Variants in EPHA5 observed in about 807,000 individuals in gnomAD.
EPHA5 encodes EPH receptor A5, also known as ephrin type-A receptor 5.
EPHA5 carries 60 observed loss-of-function variants against 105.0 expected under a neutral mutation model. The observed-to-expected ratio is 0.57, with a 90% CI of 0.46 to 0.71. The LOEUF is 0.71. Ranked by LOEUF, EPHA5 falls within the 30% of genes least tolerant of loss-of-function variation. The pLI is 0.00. For synonymous variants in EPHA5, 513 were observed against 449.1 expected (o/e 1.14, Z -1.80); for missense variants, 1,218 against 1,274.7 (o/e 0.96, Z 0.68).
At chr4:65,637,569 C>CATATATAT (rs34456844) in intron 2 of EPHA5, among the ~76,000 whole-genome samples, 3,432 of 112,282 alleles carry the variant, frequency 0.031, 117 homozygotes, top group Non-Finnish European at 0.038. Flanking sequence ...ATGAGTTTTG[C>CATATATAT]ATATATATAT....
chr4:65,595,323 A>G (rs1159501962), intron 3 of EPHA5, among the ~76,000 whole-genome samples: 3 of 152,104 alleles, frequency 2.0e-5, no homozygotes, highest in African/African-American at 7.2e-5. Context: ...TAGAGTGCCT[A>G]CTACAATAAC....
At chr4:65,352,964 T>A (rs1722960322) in intron 12 of EPHA5, 78 bp downstream of exon 12, 4 of 982,748 alleles carry the variant, frequency 4.1e-6, no homozygotes, top group Admixed American at 2.6e-5. Context: ...AACTTCAACA[T>A]CACAGCATCA....
At chr4:65,620,535 A>G (rs1745625899) in intron 2 of EPHA5, among the ~76,000 whole-genome samples, 1 of 152,224 alleles carries the variant, frequency 6.6e-6, no homozygotes, top group African/African-American at 2.4e-5. Context: ...TCACATTTTC[A>G]GCAAAATAAT....
At chr4:65,507,937 G>GATAAATTAATATTATTTTCTCTAAA (rs1733229631) in intron 3 of EPHA5, among the ~76,000 whole-genome samples, 1 of 151,880 alleles carries the variant, frequency 6.6e-6, no homozygotes, top group Non-Finnish European at 1.5e-5. Context: ...CCCACTCATA[G>GATAAATTAATATTATTTTCTCTAAA]TTTTTTCTCA....
chr4:65,626,655 C>A (rs146162920), intron 2 of EPHA5, among the ~76,000 whole-genome samples: 1 of 152,252 alleles, frequency 6.6e-6, no homozygotes, highest in East Asian at 1.9e-4. Context: ...ATGGCCATTA[C>A]GTATAGTTTC....
intron 3 of EPHA5, among the ~76,000 whole-genome samples, chr4:65,506,219 T>A (rs1306909704): frequency 1.3e-5 from 2 of 152,146 alleles, no homozygotes; most frequent in African/African-American, 4.8e-5. Flanking sequence ...ATGGTGTATA[T>A]GTGCCACATT....
At chr4:65,557,532 A>T (rs1258704028) in intron 3 of EPHA5, among the ~76,000 whole-genome samples, 4 of 152,048 alleles carry the variant, frequency 2.6e-5, no homozygotes, top group Non-Finnish European at 4.4e-5. Flanking sequence ...GATATAAATC[A>T]CCAAATTAAA....
intron 5 of EPHA5, among the ~76,000 whole-genome samples, chr4:65,479,860 CATA>C (rs2149184253): frequency 6.6e-6 from 1 of 152,136 alleles, no homozygotes; most frequent in African/African-American, 2.4e-5. Context: ...TAAATATATT[CATA>C]ATAATACTTT....
chr4:65,494,894 A>G (rs551724381), intron 4 of EPHA5, among the ~76,000 whole-genome samples: 132 of 152,244 alleles, frequency 8.7e-4, no homozygotes, highest in Non-Finnish European at 1.6e-3. Flanking sequence ...GCAGTTTAGA[A>G]CAAGATGGTG....
At chr4:65,571,684 G>A (rs905246941) in intron 3 of EPHA5, among the ~76,000 whole-genome samples, 7 of 151,896 alleles carry the variant, frequency 4.6e-5, no homozygotes, top group South Asian at 2.1e-4. Flanking sequence ...TAGGTCTTAC[G>A]TATGTTTTAC....
chr4:65,524,312 G>T (rs569072980), intron 3 of EPHA5, among the ~76,000 whole-genome samples: 3 of 151,938 alleles, frequency 2.0e-5, no homozygotes, highest in African/African-American at 7.2e-5. Flanking sequence ...TAACTAGCCA[G>T]AGATGACTAT....
chr4:65,440,805 C>T lies in EPHA5; in HGVS notation c.1403-20240G>A, dbSNP rs146333712. The stretch of plus-strand genomic sequence containing the variant: ...AAAAGAAGAGGAAAAGCCTTGTCTC[C>T]GGAGCCATTTTTAGTGGCCCATCTC... On this transcript the variant is annotated intron_variant, in intron 5 of 16. Transcript: ENST00000613740. Among the ~76,000 whole-genome samples the T allele has an allele frequency of 5.9e-3, 904 of 152,024 alleles. 6 individuals carry two copies. Among genetic ancestry groups the T allele is most frequent in the African/African-American group, 0.021 (870 of 41,492 alleles).
chr4:65,661,146 T>C (rs189947859), intron 1 of EPHA5, among the ~76,000 whole-genome samples: 99 of 152,290 alleles, frequency 6.5e-4, no homozygotes, highest in African/African-American at 2.2e-3. Flanking sequence ...TTAAAATAAA[T>C]ATATAAGGGC....
chr4:65,530,421 TGTG>T (rs2149300443), intron 3 of EPHA5, among the ~76,000 whole-genome samples: 1 of 151,996 alleles, frequency 6.6e-6, no homozygotes, highest in Non-Finnish European at 1.5e-5. Flanking sequence ...CATTTGTGTG[TGTG>T]TGTGTGTGTG....
intron 3 of EPHA5, among the ~76,000 whole-genome samples, chr4:65,502,653 A>G (rs1419512913): frequency 6.6e-6 from 1 of 151,884 alleles, no homozygotes; most frequent in Non-Finnish European, 1.5e-5. Flanking sequence ...GTTGGTTGGA[A>G]TGTAATTAGT....
chr4:65,353,444 T>C (rs1244304811), intron 11 of EPHA5, among the ~76,000 whole-genome samples: 1 of 150,724 alleles, frequency 6.6e-6, no homozygotes, highest in Non-Finnish European at 1.5e-5. Flanking sequence ...CTTAGTGTTA[T>C]GGTTGAGTCA....
chr4:65,497,011 C>T (rs1732011045), intron 3 of EPHA5, among the ~76,000 whole-genome samples: 1 of 152,166 alleles, frequency 6.6e-6, no homozygotes, highest in Admixed American at 6.6e-5. Flanking sequence ...TTATTTCTCA[C>T]TGGCTAATAA....
At chr4:65,467,246 G>A (rs1323835433) in intron 5 of EPHA5, among the ~76,000 whole-genome samples, 1 of 152,126 alleles carries the variant, frequency 6.6e-6, no homozygotes, top group Non-Finnish European at 1.5e-5. Flanking sequence ...AAGCAAAAGA[G>A]AGTTTGTCTG....
intron 3 of EPHA5, among the ~76,000 whole-genome samples, chr4:65,574,609 T>TAC (rs1257430242): frequency 2.3e-5 from 3 of 133,032 alleles, no homozygotes; most frequent in African/African-American, 8.2e-5. Context: ...TGTATATATA[T>TAC]ATACATATAT....
Sources: allele counts gnomAD v4.1 joint callset (sites outside exome capture counted in the v4.1 genomes callset), GRCh38; gene constraint gnomAD v4.1.1; transcripts MANE v1.5; gene names NCBI Gene and HGNC (gene_info 2026-07-23, HGNC 2026-07-21).